The following BRCA2 variants were observed in gnomAD, a reference collection of about 807,000 sequenced individuals.
The protein encoded by BRCA2 is BRCA2 DNA repair associated.
A neutral mutation model predicts 276.7 loss-of-function variants in BRCA2; 203 were observed. The observed-to-expected ratio is 0.73, with a 90% confidence interval of 0.65 to 0.82. The LOEUF (loss-of-function observed/expected upper bound fraction) is 0.82. BRCA2 is among the 40% of genes least tolerant of loss of function. The pLI, the probability that BRCA2 is intolerant of heterozygous loss-of-function variation, is 0.00. For missense variants in BRCA2, 3,920 were observed against 3,915.0 expected (o/e 1.00, Z -0.03); for synonymous variants, 1,289 against 1,338.4 (o/e 0.96, Z 0.81).
chr13:32,351,065 C>T (rs899805637), intron 13 of BRCA2, among the ~76,000 whole-genome samples: 3 of 152,134 alleles, frequency 2.0e-5, no homozygotes, highest in African/African-American at 7.2e-5. Flanking sequence ...AGGACGTGGG[C>T]GGGGCCAAAT....
In BRCA2 at chr13:32,338,881, A is replaced by T. The variant is rs764435740; in HGVS notation, c.4526A>T (p.Gln1509Leu). 1 of 1,613,862 alleles carries T rather than the reference A, an allele frequency of 6.2e-7. No individual in the cohort carries two copies. ...TGNQLVTFQG[Q>L]PERDEKIKEP... The stretch of plus-strand genomic sequence containing the variant: ...AATCAACTAGTGACCTTCCAGGGAC[A>T]ACCCGAACGTGATGAAAAGATCAAA... The change falls in exon 11 of 27, where the codon CAA (glutamine) becomes CTA (leucine). Residue 1509 changes from glutamine to leucine, a missense_variant. By Grantham distance (113) the Gln-to-Leu change is moderately radical. Coordinates refer to ENST00000380152, the MANE Select transcript of BRCA2 (RefSeq NM_000059.4).
chr13:32,346,353 G>A (rs777425012), intron 12 of BRCA2, among the ~76,000 whole-genome samples: 32 of 151,978 alleles, frequency 2.1e-4, no homozygotes, highest in South Asian at 6.2e-4. Flanking sequence ...TATAGAGATC[G>A]TCCTCATTCT....
Position 32,363,272 on chromosome 13 carries a change from T to C in BRCA2, c.8070T>C (p.Val2690=), listed in dbSNP as rs1446102173. The C allele has an allele frequency of 6.2e-7, 1 of 1,614,084 alleles. No individual in the cohort carries two copies. Among genetic ancestry groups the C allele is most frequent in the African/African-American group, 1.3e-5 (1 of 74,942 alleles). The stretch of plus-strand genomic sequence containing the variant: ...CTGCAAAAACACTTGTTCTCTGTGT[T>C]TCTGACATAATTTCATTGAGCGCAA... The part of the protein sequence containing the change: ...DTAAKTLVLC[V]SDIISLSANI... The change falls in exon 18 of 27, where the codon GTT becomes GTC. Residue 2690 remains valine, a synonymous_variant. Coordinates refer to ENST00000380152, the MANE Select transcript of BRCA2 (RefSeq NM_000059.4).
At chr13:32,335,797 G>T (rs1424321313) in intron 10 of BRCA2, among the ~76,000 whole-genome samples, 1 of 151,856 alleles carries the variant, frequency 6.6e-6, no homozygotes, top group Non-Finnish European at 1.5e-5. Flanking sequence ...GAAAAATAGA[G>T]CATATTTAGG....
chr13:32,376,579 C>G, intron 20 of BRCA2, 91 bp from the exon 21 acceptor site: 1 of 1,392,718 alleles, frequency 7.2e-7, no homozygotes. Flanking sequence ...CTTTAAATCT[C>G]CCTTCTTTGG....
chr13:32,396,550 C>T (rs1437269746), intron 25 of BRCA2, among the ~76,000 whole-genome samples: 2 of 152,096 alleles, frequency 1.3e-5, no homozygotes, highest in East Asian at 3.9e-4. Context: ...GAGATGATTC[C>T]CAGCTATTAA....
chr13:32,318,981 T>G (rs1177737188), intron 2 of BRCA2, 96 bp from the exon 3 acceptor site: 3 of 1,493,154 alleles, frequency 2.0e-6, no homozygotes, highest in African/African-American at 2.8e-5. Context: ...ATAGTCAAGA[T>G]CTTAAGCATT....
intron 3 of BRCA2, among the ~76,000 whole-genome samples, chr13:32,321,292 A>G (rs1317811682): frequency 2.0e-5 from 3 of 152,192 alleles, no homozygotes; most frequent in Non-Finnish European, 4.4e-5. Context: ...AAATATGAAT[A>G]AGATGTCCTT....
chr13:32,333,185 G>C lies in BRCA2; in HGVS notation c.1707G>C (p.Gln569His), dbSNP rs1555282027. ...GAAGCTGGCCAGCCACCACCACACA[G>C]AATTCTGTAGCTTTGAAGAATGCAG... ...DNGSWPATTT[Q>H]NSVALKNAGL... Residue 569 changes from glutamine (Q) to histidine (H), a missense_variant, in exon 10 of 27, where the codon CAG (glutamine) becomes CAC (histidine). Coordinates refer to ENST00000380152, the MANE Select transcript of BRCA2 (RefSeq NM_000059.4). 4 of 1,613,842 alleles carry C rather than the reference G, an allele frequency of 2.5e-6. No individual in the cohort carries two copies. Among genetic ancestry groups the C allele is most frequent in the East Asian group, 2.2e-5 (1 of 44,864 alleles).
At chr13:32,342,437 CTA>C (rs2072579120) in intron 11 of BRCA2, among the ~76,000 whole-genome samples, 1 of 152,070 alleles carries the variant, frequency 6.6e-6, no homozygotes, top group Non-Finnish European at 1.5e-5. Context: ...GTTATGTGGA[CTA>C]TTTTAACTTC....
intron 19 of BRCA2, 70 bp from the exon 20 acceptor site, chr13:32,370,886 C>A (rs1253225039): frequency 6.3e-7 from 1 of 1,586,756 alleles, no homozygotes; most frequent in Non-Finnish European, 8.6e-7. Context: ...AGCCACTGTG[C>A]CTGGCCTGAT....
intron 11 of BRCA2, among the ~76,000 whole-genome samples, chr13:32,342,821 G>A (rs1219472855): frequency 3.9e-5 from 6 of 152,248 alleles, no homozygotes; most frequent in Admixed American, 3.3e-4. Context: ...TGAGGCAGGC[G>A]GATCACCTGA....
At chr13:32,341,800 G>A (rs1234055800) in intron 11 of BRCA2, among the ~76,000 whole-genome samples, 1 of 151,050 alleles carries the variant, frequency 6.6e-6, no homozygotes, top group Admixed American at 6.6e-5. Flanking sequence ...CCTGGGAGGC[G>A]GAGCTTGCAG....
intron 18 of BRCA2, 61 bp downstream of exon 18, chr13:32,363,594 T>G: frequency 6.8e-7 from 1 of 1,467,196 alleles, no homozygotes; most frequent in African/African-American, 1.4e-5. Flanking sequence ...TCTAGAAGTT[T>G]TACATTTAAA....
Position 32,336,476 on chromosome 13 carries a change from T to C in BRCA2, c.2121T>C (p.Asp707=), listed in dbSNP as rs1555282456. The part of the protein sequence containing the change: ...KLQLFITPEA[D]SLSCLQEGQC... ...AGTTATTTATTACCCCAGAAGCTGA[T>C]TCTCTGTCATGCCTGCAGGAAGGAC... is the stretch of plus-strand genomic sequence containing the variant. The change falls in exon 11 of 27, where the codon GAT becomes GAC. Residue 707 remains aspartate (D), a synonymous_variant. Transcript: ENST00000380152. 1.2e-6 allele frequency: 2 copies of C among 1,614,104 alleles called. No individual in the cohort carries two copies.
chr13:32,357,749 C>T lies in BRCA2; in HGVS notation c.7625C>T (p.Thr2542Met), dbSNP rs80358989. ...TGTGTTTATTTTGTGTAGCTGTATA[C>T]GTATGGCGTTTCTAAACATTGCATA... ...PSACSHKQLY[T>M]YGVSKHCIKI... is the part of the protein sequence containing the mutation. Residue 2542 changes from threonine (T) to methionine (M), a missense_variant, in exon 16 of 27, where the codon ACG becomes ATG. Thr to Met is a moderately conservative substitution (Grantham distance 81, BLOSUM62 -1). Transcript: ENST00000380152. 12 of 1,611,172 alleles carry T rather than the reference C, an allele frequency of 7.4e-6. No individual in the cohort carries two copies. The highest frequency in any genetic ancestry group is 1.7e-5 in the Admixed American group (1 of 59,962).
At position 32,385,062 on chromosome 13, in the gene BRCA2, C is replaced by T. The variant is rs2238162; in HGVS notation, c.9256+4917C>T. ...AGAAGTTTTCAAGTCCTTTCTGTCA[C>T]AGAATGGAATGTCCAGAGATGGACT... On this transcript the variant is annotated intron_variant, in intron 24 of 26. Transcript: ENST00000380152. The T allele has an allele frequency of 0.52, 154,983 of 296,974 alleles. 40,704 individuals are homozygous for T. The highest frequency in any genetic ancestry group is 0.6 in the East Asian group (8,728 of 14,660). The allele number at this position is 296,974 out of a possible 1,614,324, so 18.4% of individuals were successfully genotyped here.
Position 32,394,577 on chromosome 13 carries a change from T to C in BRCA2, c.9257-112T>C, listed in dbSNP as rs145166449. ...CAAATTCAGCTATTTTGATTTGCTT[T>C]TATTATTAGCATATACCAAAATAAA... On this transcript the variant is annotated intron_variant, in intron 24 of 26. Transcript: ENST00000380152. The C allele has an allele frequency of 3.8e-6, 5 of 1,330,298 alleles. No individual in the cohort carries two copies. The Admixed American group carries it at 1.3e-4, about 33-fold the overall frequency. 82.4% of individuals were successfully genotyped at this position (1,330,298 alleles called of 1,614,324 possible). A position where few individuals can be genotyped will look rare whatever the true frequency, so the allele number is the denominator to read the frequency against.
Position 32,376,795 on chromosome 13 carries a change from A to G in BRCA2, c.8754+4A>G, listed in dbSNP as rs81002893. The G allele has an allele frequency of 6.2e-7, 1 of 1,613,982 alleles. No individual in the cohort carries two copies. The highest frequency in any genetic ancestry group is 8.5e-7 in the Non-Finnish European group (1 of 1,179,938). ...AGCAGACCCAGCTTACCTTGAGGTG[A>G]GAGAGTAAGAGGACATATAATGAGG... On this transcript the variant is annotated splice_donor_region_variant and intron_variant, in intron 21 of 26. Coordinates refer to ENST00000380152, the MANE Select transcript of BRCA2 (RefSeq NM_000059.4).
Sources: gnomAD v4.1 joint callset for allele counts (sites outside exome capture counted in the v4.1 genomes callset) on GRCh38, gnomAD v4.1.1 for gene constraint, MANE v1.5 for transcripts, NCBI Gene and HGNC (gene_info 2026-07-23, HGNC 2026-07-21) for gene names.